The following ASTE1 variants were observed in gnomAD, a reference collection of about 807,000 sequenced individuals.
ASTE1 encodes the protein asteroid structure-specific endonuclease 1.
A neutral mutation model predicts 45.8 loss-of-function variants in ASTE1; 49 were observed. That is an observed-to-expected ratio of 1.07 (90% CI 0.85 to 1.36). The LOEUF (loss-of-function observed/expected upper bound fraction) is 1.36, where lower values mean the gene tolerates loss of function less well. ASTE1 is among the 40% of genes most tolerant of loss of function. ASTE1 has a pLI of 0.00. For synonymous variants in ASTE1, 296 were observed against 303.9 expected (o/e 0.97, Z 0.27); for missense variants, 709 against 804.0 (o/e 0.88, Z 1.43).
At position 131,014,255 on chromosome 3, in the gene ASTE1, A is replaced by C; in HGVS notation, c.1842T>G (p.Tyr614Ter). 6.2e-7 allele frequency: 1 copy of C among 1,613,942 alleles called. No homozygotes were observed. The highest frequency in any genetic ancestry group is 8.5e-7 in the Non-Finnish European group (1 of 1,180,004). ...TTGGTAGGAATATTTCAGCGGGGGC[A>C]TATGACCTTGTGGCATTGAATAGAT... ...YEYLFNATRS[Y>*]APAEIFLPKG... Residue 614 changes from tyrosine to a stop codon, truncating the protein, a stop_gained, in exon 6 of 6, where the codon TAT (tyrosine) becomes TAG (stop). Transcript: ENST00000264992. LOFTEE classifies it low-confidence loss of function (END_TRUNC).
chr3:131,024,045 T>A lies in ASTE1; in HGVS notation c.1262A>T (p.Glu421Val). 6.2e-7 allele frequency: 1 copy of A among 1,612,840 alleles called. No individual in the cohort carries two copies. Among genetic ancestry groups the A allele is most frequent in the Non-Finnish European group, 8.5e-7 (1 of 1,178,922 alleles). The part of the protein sequence containing the change: ...NIRTSIIDAV[E>V]LAKDHSDLSR... ...TAAGTCAGAATGATCCTTGGCCAGT[T>A]CTACTGCATCAATGATTGAGGTTCT... The change falls in exon 3 of 6, where the codon GAA becomes GTA. Residue 421 changes from glutamate (E) to valine (V), a missense_variant. Glu to Val is a moderately radical substitution (Grantham distance 121, BLOSUM62 -2). Transcript: ENST00000264992.
intron 3 of ASTE1, among the ~76,000 whole-genome samples, chr3:131,022,852 A>G (rs1276332989): frequency 6.6e-6 from 1 of 152,146 alleles, no homozygotes; most frequent in Non-Finnish European, 1.5e-5. Flanking sequence ...GGTCAGCTGT[A>G]TAGCCCAGGG....
intron 3 of ASTE1, among the ~76,000 whole-genome samples, chr3:131,019,167 C>T (rs1235341689): frequency 6.6e-6 from 1 of 152,254 alleles, no homozygotes; most frequent in African/African-American, 2.4e-5. Flanking sequence ...GCCTGTGCAA[C>T]AGGCATTTGC....
At chr3:131,020,228 A>G (rs1029496330) in intron 3 of ASTE1, among the ~76,000 whole-genome samples, 5 of 152,214 alleles carry the variant, frequency 3.3e-5, no homozygotes, top group Admixed American at 3.3e-4. Context: ...AATGACTTGT[A>G]TAAGATGTTT....
At chr3:131,026,213 C>A (rs1394820402) in intron 1 of ASTE1, 2 of 152,174 alleles carry the variant, frequency 1.3e-5, no homozygotes, top group African/African-American at 4.8e-5. Context: ...TTATTGGCAT[C>A]CATTTACATT....
chr3:131,016,174 G>A lies in ASTE1; in HGVS notation c.1679C>T (p.Ser560Phe), dbSNP rs2063625051. 1 of 1,614,046 alleles carries A rather than the reference G, an allele frequency of 6.2e-7. No homozygotes were observed. The highest frequency in any genetic ancestry group is 8.5e-7 in the Non-Finnish European group (1 of 1,180,030). Residue 560 changes from serine to phenylalanine, a missense_variant, in exon 5 of 6, where the codon TCC becomes TTC. Coordinates refer to ENST00000264992, the MANE Select transcript of ASTE1 (RefSeq NM_014065.4). ...QMGMYLNQLL[S>F]TPLPEPDLTR... ...TAGGTCTGGCTCTGGGAGAGGAGTG[G>A]ACAGCAGCTGGTTGAGATACATCCC...
chr3:131,015,863 C>T (rs1336922374), intron 5 of ASTE1: 7 of 499,016 alleles, frequency 1.4e-5, no homozygotes, highest in Non-Finnish European at 2.2e-5. Flanking sequence ...CCAATGATTG[C>T]CTCCCCTCTC....
chr3:131,025,363 G>A, intron 2 of ASTE1, 32 bp from the exon 3 acceptor site: 1 of 1,554,064 alleles, frequency 6.4e-7, no homozygotes, highest in South Asian at 1.3e-5. Flanking sequence ...ATTTTCAATT[G>A]ATGCTAGTTA....
At chr3:131,022,276 C>A (rs747135255) in intron 3 of ASTE1, among the ~76,000 whole-genome samples, 5 of 152,082 alleles carry the variant, frequency 3.3e-5, no homozygotes, top group Non-Finnish European at 7.3e-5. Context: ...CTTTTCTTCT[C>A]CTTTATCTAA....
In ASTE1 at chr3:131,025,040, A is replaced by G. The variant is rs539979068; in HGVS notation, c.267T>C (p.Leu89=). ...CTCTAGCTCTATCCTTTAAAGTTGTAAGCTTTTTATCTGAAATGTCACATC... is the reference window on the plus strand; with the variant it reads ...CTCTAGCTCTATCCTTTAAAGTTGTGAGCTTTTTATCTGAAATGTCACATC... ...DGGCDISDKK[L]TTLKDRAREK... is the part of the protein sequence containing the mutation. Residue 89 remains leucine, a synonymous_variant, in exon 3 of 6, where the codon CTT becomes CTC. Coordinates refer to ENST00000264992, the MANE Select transcript of ASTE1 (RefSeq NM_014065.4). 4.4e-6 allele frequency: 7 copies of G among 1,604,366 alleles called. No individual in the cohort carries two copies. The highest frequency in any genetic ancestry group is 1.7e-4 in the Middle Eastern group (1 of 6,004).
At position 131,024,423 on chromosome 3, in the gene ASTE1, G is replaced by C; in HGVS notation, c.884C>G (p.Ser295Cys). ...CTGGGACTGTTGGTATTCTTCCATG[G>C]AACAGCAGAGAAGTTCCTTAACATT... ...RENVKELLCC[S>C]MEEYQQSQVK... Residue 295 changes from serine (S) to cysteine (C), a missense_variant, in exon 3 of 6, where the codon TCC becomes TGC. Transcript: ENST00000264992. 6.2e-7 allele frequency: 1 copy of C among 1,614,206 alleles called. No individual in the cohort carries two copies. Among genetic ancestry groups the C allele is most frequent in the Non-Finnish European group, 8.5e-7 (1 of 1,180,036 alleles).
chr3:131,017,091 G>A (rs756605310), intron 4 of ASTE1: 9 of 1,267,438 alleles, frequency 7.1e-6, no homozygotes, highest in Middle Eastern at 4.3e-4. Flanking sequence ...CCCTTCTCTT[G>A]GACTCAGGTA....
In ASTE1 at chr3:131,026,688, T is replaced by G. The variant is rs1333321590; in HGVS notation, c.-328A>C. 5 of 152,362 alleles carry G rather than the reference T, an allele frequency of 3.3e-5. No homozygotes were observed. The highest frequency in any genetic ancestry group is 6.5e-5 in the Admixed American group (1 of 15,290). The allele number at this position is 152,362 out of a possible 1,614,324, so 9.4% of individuals were successfully genotyped here. A position where few individuals can be genotyped will look rare whatever the true frequency, so the allele number is the denominator to read the frequency against. ...AGACTGAGCCAAGGAGCAGGTGTTC[T>G]CGGGCCCAGAGGCGCTAAGTAGCTA... On this transcript the variant is annotated 5_prime_UTR_variant, in exon 1 of 6. Transcript: ENST00000264992.
rs1470929332 is a variant in ASTE1 at position 131,014,257 on chromosome 3, A to G, written c.1840T>C (p.Tyr614His). Reference protein sequence around the residue: ...YEYLFNATRSYAPAEIFLPKG... With the variant: ...YEYLFNATRSHAPAEIFLPKG... ...GGTAGGAATATTTCAGCGGGGGCAT[A>G]TGACCTTGTGGCATTGAATAGATAT... Residue 614 changes from tyrosine (Y) to histidine (H), a missense_variant, in exon 6 of 6, where the codon TAT becomes CAT. Transcript: ENST00000264992. 1 of 1,613,740 alleles carries G rather than the reference A, an allele frequency of 6.2e-7. No individual in the cohort carries two copies. The highest frequency in any genetic ancestry group is 1.1e-5 in the South Asian group (1 of 91,050).
At position 131,025,058 on chromosome 3, in the gene ASTE1, G is replaced by A; in HGVS notation, c.249C>T (p.Asp83=). The A allele has an allele frequency of 6.2e-7, 1 of 1,608,108 alleles. No individual in the cohort carries two copies. Among genetic ancestry groups the A allele is most frequent in the Non-Finnish European group, 8.5e-7 (1 of 1,176,648 alleles). Reference sequence around the variant, plus strand: ...AAGTTGTAAGCTTTTTATCTGAAATGTCACATCCTCCATCTAATACAACAT... The same window carrying A: ...AAGTTGTAAGCTTTTTATCTGAAATATCACATCCTCCATCTAATACAACAT... ...CPYVVLDGGC[D]ISDKKLTTLK... Residue 83 remains aspartate, a synonymous_variant, in exon 3 of 6, where the codon GAC becomes GAT. Transcript: ENST00000264992.
intron 3 of ASTE1, among the ~76,000 whole-genome samples, chr3:131,023,594 G>A (rs1044934270): frequency 2.6e-5 from 4 of 152,068 alleles, no homozygotes; most frequent in South Asian, 2.1e-4. Flanking sequence ...TCTGAAATCC[G>A]ATGTAGTCTG....
At chr3:131,022,402 G>A (rs1358473606) in intron 3 of ASTE1, among the ~76,000 whole-genome samples, 1 of 152,036 alleles carries the variant, frequency 6.6e-6, no homozygotes, top group African/African-American at 2.4e-5. Flanking sequence ...CACAATCATA[G>A]CTCACTACAG....
chr3:131,017,092 G>T, intron 4 of ASTE1: 1 of 1,267,040 alleles, frequency 7.9e-7, no homozygotes, highest in Non-Finnish European at 1.0e-6. Flanking sequence ...CCTTCTCTTG[G>T]ACTCAGGTAA....
intron 3 of ASTE1, among the ~76,000 whole-genome samples, chr3:131,019,022 C>G (rs940047045): frequency 6.6e-6 from 1 of 152,162 alleles, no homozygotes; most frequent in Non-Finnish European, 1.5e-5. Flanking sequence ...ATTAAAAATT[C>G]AATCCTTAGG....
Sources: gnomAD v4.1 joint callset for allele counts (sites outside exome capture counted in the v4.1 genomes callset) on GRCh38, gnomAD v4.1.1 for gene constraint, MANE v1.5 for transcripts, NCBI Gene and HGNC (gene_info 2026-07-23, HGNC 2026-07-21) for gene names.